The following DNAH5 variants were observed in gnomAD, a reference collection of about 807,000 sequenced individuals.
DNAH5 encodes the protein dynein axonemal heavy chain 5.
Under a neutral mutation model 518.2 loss-of-function variants are expected in DNAH5, and 372 were observed. The ratio of observed to expected loss-of-function variants is 0.72; its 90% CI spans 0.66 to 0.78. The LOEUF is 0.78. DNAH5 is among the 30% of genes least tolerant of loss of function. The pLI, the probability that DNAH5 is intolerant of heterozygous loss-of-function variation, is 0.00. For synonymous variants in DNAH5, 2,039 were observed against 2,025.9 expected, an observed-to-expected ratio of 1.01 and a Z score of -0.17; for missense variants, 5,523 against 5,687.0, an observed-to-expected ratio of 0.97 and a Z score of 0.93.
chr5:13,886,111 C>T lies in DNAH5; in HGVS notation c.2596G>A (p.Ala866Thr). 1 of 1,575,720 alleles carries T rather than the reference C, an allele frequency of 6.3e-7. No homozygotes were observed. The highest frequency in any genetic ancestry group is 8.6e-7 in the Non-Finnish European group (1 of 1,162,392). ...QMTKDLCVNG[A>T]QILHFKSSLV... ...GAGCTTTTAAAATGTAGTATTTGTG[C>T]ACCATTTACACAAAGATCCTAACCA... The change falls in exon 18 of 79, where the codon GCA becomes ACA. Residue 866 changes from alanine to threonine, a missense_variant. This residue lies in a region of DNAH5 where 5,121 missense variants were observed against 5,223.3 expected (regional missense o/e 0.98). Transcript: ENST00000265104.
intron 63 of DNAH5, 86 bp downstream of exon 63, chr5:13,753,147 T>G (rs1264443533): frequency 9.9e-7 from 1 of 1,007,178 alleles, no homozygotes; most frequent in Non-Finnish European, 1.6e-6. Flanking sequence ...TCTAGTGTTT[T>G]CAAATATTTC....
At chr5:13,914,167 T>C (rs1367715040) in intron 10 of DNAH5, among the ~76,000 whole-genome samples, 1 of 152,122 alleles carries the variant, frequency 6.6e-6, no homozygotes, top group Non-Finnish European at 1.5e-5. Flanking sequence ...TTACTCACGA[T>C]GCAACTCAAA....
At chr5:13,955,541 T>G (rs1407261061) in intron 1 of DNAH5, among the ~76,000 whole-genome samples, 3 of 152,004 alleles carry the variant, frequency 2.0e-5, no homozygotes, top group African/African-American at 7.3e-5. Flanking sequence ...ATTCACTGAG[T>G]GATGTAGAGC....
chr5:13,821,254 CA>C (rs754526000), intron 40 of DNAH5, among the ~76,000 whole-genome samples: 2 of 152,062 alleles, frequency 1.3e-5, no homozygotes, highest in Non-Finnish European at 2.9e-5. Flanking sequence ...ACTCAAACAG[CA>C]AAATGTATTT....
At chr5:13,990,858 A>C (rs2152074599) in intron 1 of DNAH5, among the ~76,000 whole-genome samples, 1 of 152,332 alleles carries the variant, frequency 6.6e-6, no homozygotes, top group East Asian at 1.9e-4. Context: ...AAAGAGTGAA[A>C]CTCCATCACA....
chr5:13,792,474 CT>C (rs781331397), intron 49 of DNAH5, among the ~76,000 whole-genome samples: 2 of 152,156 alleles, frequency 1.3e-5, no homozygotes, highest in Non-Finnish European at 2.9e-5. Flanking sequence ...GGTTGCACCA[CT>C]TCAATATTAT....
intron 1 of DNAH5, among the ~76,000 whole-genome samples, chr5:14,010,451 T>C (rs1231778661): frequency 6.6e-6 from 1 of 152,180 alleles, no homozygotes; most frequent in African/African-American, 2.4e-5. Flanking sequence ...GGTAAATTTA[T>C]GTAAGATTGT....
chr5:13,928,811 T>G (rs1778131846), intron 2 of DNAH5, among the ~76,000 whole-genome samples: 4 of 152,254 alleles, frequency 2.6e-5, no homozygotes, highest in Middle Eastern at 6.8e-3. Context: ...CCATTAGGCA[T>G]TAGGATGGCT....
intron 38 of DNAH5, among the ~76,000 whole-genome samples, chr5:13,825,432 C>G (rs1342696209): frequency 2.6e-5 from 4 of 152,126 alleles, no homozygotes; most frequent in Non-Finnish European, 5.9e-5. Context: ...CAGCACCATT[C>G]ATGATAGCCA....
At chr5:13,992,927 C>T (rs572689646) in intron 1 of DNAH5, among the ~76,000 whole-genome samples, 13 of 152,298 alleles carry the variant, frequency 8.5e-5, no homozygotes, top group African/African-American at 3.1e-4. Flanking sequence ...GGCAGTGACC[C>T]AGTTACTTCT....
chr5:13,738,206 T>C (rs1747861665), intron 65 of DNAH5, among the ~76,000 whole-genome samples: 1 of 151,844 alleles, frequency 6.6e-6, no homozygotes, highest in African/African-American at 2.4e-5. Context: ...TTTTCTCAAG[T>C]CACATCAGTT....
intron 38 of DNAH5, 26 bp downstream of exon 38, chr5:13,829,484 T>G (rs762131747): frequency 1.2e-6 from 2 of 1,610,104 alleles, no homozygotes; most frequent in Non-Finnish European, 1.7e-6. Context: ...CATGCCTAAG[T>G]GCATAAGACC....
intron 21 of DNAH5, among the ~76,000 whole-genome samples, chr5:13,878,501 G>A (rs1359752241): frequency 2.6e-5 from 4 of 152,110 alleles, no homozygotes; most frequent in African/African-American, 4.8e-5. Flanking sequence ...AAACAAACAG[G>A]AGCCCTCCAG....
rs795526 is a variant in DNAH5 at position 13,850,907 on chromosome 5, C to T, written c.4951-92G>A. On this transcript the variant is annotated intron_variant, in intron 30 of 78. Coordinates refer to ENST00000265104, the MANE Select transcript of DNAH5 (RefSeq NM_001369.3). The stretch of plus-strand genomic sequence containing the variant: ...CACATTCCTCCAGCTGAGGCTAGAG[C>T]TTTAACCAGTCCAGATATCCAAGCA... 609,792 of 1,322,134 alleles carry T rather than the reference C, an allele frequency of 0.46. 142,155 individuals carry two copies. The highest frequency in any genetic ancestry group is 0.5 in the South Asian group (42,583 of 84,354). 81.9% of individuals were successfully genotyped at this position (1,322,134 alleles called of 1,614,324 possible).
intron 13 of DNAH5, 83 bp downstream of exon 13, chr5:13,901,970 T>C: frequency 9.6e-7 from 1 of 1,039,692 alleles, no homozygotes; most frequent in Non-Finnish European, 1.4e-6. Flanking sequence ...CATCAGAATA[T>C]GAAATAATAA....
At chr5:13,887,303 T>C (rs760794843) in intron 17 of DNAH5, among the ~76,000 whole-genome samples, 1 of 152,222 alleles carries the variant, frequency 6.6e-6, no homozygotes, top group South Asian at 2.1e-4. Flanking sequence ...TCCAACAACG[T>C]TGTTTACATC....
At chr5:13,851,472 T>C (rs550159563) in intron 30 of DNAH5, among the ~76,000 whole-genome samples, 1 of 152,176 alleles carries the variant, frequency 6.6e-6, no homozygotes, top group African/African-American at 2.4e-5. Context: ...CATGCCTAGC[T>C]AAATTTTTTT....
Position 13,762,886 on chromosome 5 carries a change from T to C in DNAH5, c.10117A>G (p.Thr3373Ala), listed in dbSNP as rs960640525. 6.2e-7 allele frequency: 1 copy of C among 1,613,722 alleles called. No individual in the cohort carries two copies. The highest frequency in any genetic ancestry group is 2.2e-5 in the East Asian group (1 of 44,882). Residue 3373 changes from threonine (T) to alanine (A), a missense_variant, in exon 60 of 79, where the codon ACA (threonine) becomes GCA (alanine). By Grantham distance (58) the Thr-to-Ala change is moderately conservative (BLOSUM62 0). This residue lies in a region of DNAH5 where 5,121 missense variants were observed against 5,223.3 expected (regional missense o/e 0.98). Transcript: ENST00000265104. The stretch of plus-strand genomic sequence containing the variant: ...AATTCTATCACCTCTTCATTGATTG[T>C]GTCTTTTGGGAATTGCTATGGAAGA... ...LQNLQQFPKD[T>A]INEEVIEFLS... is the part of the protein sequence containing the mutation.
intron 1 of DNAH5, among the ~76,000 whole-genome samples, chr5:13,971,073 T>C (rs926633044): frequency 6.6e-6 from 1 of 152,194 alleles, no homozygotes; most frequent in African/African-American, 2.4e-5. Flanking sequence ...TTTTATTCTA[T>C]TGCTGAGACT....
Sources: allele counts gnomAD v4.1 joint callset (sites outside exome capture counted in the v4.1 genomes callset), GRCh38; gene constraint gnomAD v4.1.1; regional missense constraint gnomAD v4.1.1; transcripts MANE v1.5; gene names NCBI Gene and HGNC (gene_info 2026-07-23, HGNC 2026-07-21).